The following HMGCS1 variants were observed in gnomAD, a reference collection of about 807,000 sequenced individuals.
The protein encoded by HMGCS1 is 3-hydroxy-3-methylglutaryl-CoA synthase 1, also known as hydroxymethylglutaryl-CoA synthase, cytoplasmic.
HMGCS1 carries 9 observed loss-of-function variants against 52.3 expected under a neutral mutation model. The ratio of observed to expected loss-of-function variants is 0.17; its 90% CI spans 0.10 to 0.30. The LOEUF (loss-of-function observed/expected upper bound fraction) is 0.30, where lower values mean the gene tolerates loss of function less well. Ranked by LOEUF, HMGCS1 falls within the 10% of genes least tolerant of loss-of-function variation. The pLI is 1.00. For missense variants in HMGCS1, 320 were observed against 620.9 expected (o/e 0.52, Z 5.15); for synonymous variants, 176 against 214.4 (o/e 0.82, Z 1.57).
At position 43,298,328 on chromosome 5, in the gene HMGCS1, T is replaced by C. The variant is rs6884349; in HGVS notation, c.448+190A>G. On this transcript the variant is annotated intron_variant, in intron 3 of 10. Coordinates refer to ENST00000325110, the MANE Select transcript of HMGCS1 (RefSeq NM_001098272.3). The surrounding 1 kb of genome is among the most constrained non-coding windows in gnomAD (Gnocchi z 5.6). ...TCTGACTAAATTTTGAATAGACCATTTGTCCTACAAGATAAGATAACCAAT... is the reference window on the plus strand; with the variant it reads ...TCTGACTAAATTTTGAATAGACCATCTGTCCTACAAGATAAGATAACCAAT... 0.032 allele frequency: 21,072 copies of C among 664,354 alleles called. 1,059 individuals are homozygous for C. The highest frequency in any genetic ancestry group is 0.18 in the African/African-American group (9,833 of 55,014). 41.2% of individuals were successfully genotyped at this position (664,354 alleles called of 1,614,324 possible).
rs763336877 is a variant in HMGCS1, at chr5:43,292,515, C to T, written c.1432G>A (p.Asp478Asn). ...GAATGCACAAGTCCTACTCCTTCAT[C>T]CAAAGTGTCATCATTTGGAGTGGGA... ...RRPTPNDDTLDEGVGLVHSNI... is the reference protein window; with the variant it reads ...RRPTPNDDTLNEGVGLVHSNI... Residue 478 changes from aspartate (D) to asparagine (N), a missense_variant, in exon 10 of 11, where the codon GAT becomes AAT. Around this residue, in one of 3 missense-constraint regions of HMGCS1, gnomAD observed 213 missense variants for 337.4 expected, o/e 0.63. Coordinates refer to ENST00000325110, the MANE Select transcript of HMGCS1 (RefSeq NM_001098272.3). 5 of 1,613,968 alleles carry T rather than the reference C, an allele frequency of 3.1e-6. No individual in the cohort carries two copies. Among genetic ancestry groups the T allele is most frequent in the Admixed American group, 1.7e-5 (1 of 60,010 alleles).
At chr5:43,293,293 A>G (rs140401935) in intron 8 of HMGCS1, among the ~76,000 whole-genome samples, 7 of 152,268 alleles carry the variant, frequency 4.6e-5, no homozygotes, top group African/African-American at 1.7e-4. Flanking sequence ...GGGTCTCACT[A>G]TGTTGCTCAG....
intron 1 of HMGCS1, among the ~76,000 whole-genome samples, chr5:43,309,207 G>A (rs1365989600): frequency 6.7e-6 from 1 of 150,356 alleles, no homozygotes; most frequent in African/African-American, 2.5e-5. Flanking sequence ...CCTATATTCT[G>A]CCTTTCCTTG....
chr5:43,310,086 G>A (rs147493462), intron 1 of HMGCS1, among the ~76,000 whole-genome samples: 5 of 152,296 alleles, frequency 3.3e-5, no homozygotes, highest in African/African-American at 1.2e-4. Context: ...ATAAATCTAG[G>A]AAATTAAGAA....
rs1426693749 is a variant in HMGCS1, at chr5:43,288,483, G to C, written c.*2648C>G. The stretch of plus-strand genomic sequence containing the variant: ...CCAAACAGCAGACAAGAGATAAAGT[G>C]TTTCAACTGTGTCACAAGAGGACAG... On this transcript the variant is annotated 3_prime_UTR_variant, in exon 11 of 11. Transcript: ENST00000325110. The C allele has an allele frequency of 3.9e-5, 6 of 152,216 alleles. No homozygotes were observed. The highest frequency in any genetic ancestry group is 1.4e-4 in the African/African-American group (6 of 41,460). 9.4% of individuals were successfully genotyped at this position (152,216 alleles called of 1,614,324 possible).
chr5:43,291,052 A>G lies in HMGCS1; in HGVS notation c.*79T>C, dbSNP rs554841570. The G allele has an allele frequency of 9.2e-5, 75 of 819,552 alleles. No individual in the cohort carries two copies. The East Asian group carries it at 1.8e-3, about 19-fold the overall frequency. 50.8% of individuals were successfully genotyped at this position (819,552 alleles called of 1,614,324 possible). The stretch of plus-strand genomic sequence containing the variant: ...TGTAATCCTTTAAAATTATCCCCAG[A>G]TATCCCATTCCTCCAACTGTTCCCA... On this transcript the variant is annotated 3_prime_UTR_variant, in exon 11 of 11. Coordinates refer to ENST00000325110, the MANE Select transcript of HMGCS1 (RefSeq NM_001098272.3).
At chr5:43,309,049 CA>C (rs1434426838) in intron 1 of HMGCS1, among the ~76,000 whole-genome samples, 1 of 151,778 alleles carries the variant, frequency 6.6e-6, no homozygotes, top group African/African-American at 2.4e-5. Flanking sequence ...TTGTCTTCTG[CA>C]AATTAAGCAG....
intron 10 of HMGCS1, among the ~76,000 whole-genome samples, chr5:43,291,670 T>C (rs1229741662): frequency 1.3e-5 from 2 of 152,192 alleles, no homozygotes; most frequent in Non-Finnish European, 2.9e-5. Context: ...GGGCAAGTAA[T>C]GTAACTTCTT....
intron 2 of HMGCS1, among the ~76,000 whole-genome samples, chr5:43,304,411 T>A (rs1403978835): frequency 6.6e-6 from 1 of 152,234 alleles, no homozygotes; most frequent in African/African-American, 2.4e-5. Flanking sequence ...GTTTGCAATA[T>A]ACTTGTACTC....
rs917623922 is a variant in HMGCS1 at position 43,287,553 on chromosome 5, T to C, written c.*3578A>G. 3 of 151,982 alleles carry C rather than the reference T, an allele frequency of 2.0e-5. No homozygotes were observed. The highest frequency in any genetic ancestry group is 4.8e-5 in the African/African-American group (2 of 41,374). The allele number at this position is 151,982 out of a possible 1,614,324, so 9.4% of individuals were successfully genotyped here. Reference sequence around the variant, plus strand: ...GTGAAACAAAAGAGGAAAGCCAATATAAGGATGGTTATTGCCAAACCCGCC... The same window carrying C: ...GTGAAACAAAAGAGGAAAGCCAATACAAGGATGGTTATTGCCAAACCCGCC... On this transcript the variant is annotated 3_prime_UTR_variant, in exon 11 of 11. Transcript: ENST00000325110.
Position 43,297,038 on chromosome 5 carries a change from C to G in HMGCS1, c.703G>C (p.Val235Leu). Residue 235 changes from valine (V) to leucine (L), a missense_variant, in exon 5 of 11, where the codon GTC (valine) becomes CTC (leucine). By Grantham distance (32) the Val-to-Leu change is conservative (BLOSUM62 1). Coordinates refer to ENST00000325110, the MANE Select transcript of HMGCS1 (RefSeq NM_001098272.3). ...YLSALDRCYSVYCKKIHAQWQ... is the reference protein window; with the variant it reads ...YLSALDRCYSLYCKKIHAQWQ... The stretch of plus-strand genomic sequence containing the variant: ...TGGGCATGGATCTTTTTGCAGTAGA[C>G]AGAATAGCAGCGGTCTAATGCACTG... 6.2e-7 allele frequency: 1 copy of G among 1,613,646 alleles called. No homozygotes were observed. Among genetic ancestry groups the G allele is most frequent in the Non-Finnish European group, 8.5e-7 (1 of 1,179,796 alleles).
Position 43,288,977 on chromosome 5 carries a change from A to C in HMGCS1, c.*2154T>G, listed in dbSNP as rs1319325301. ...TTGGAGACTCTAGCTGGTAGTGGGC[A>C]GTTCTACGTTCACCACTAAATTTGC... On this transcript the variant is annotated 3_prime_UTR_variant, in exon 11 of 11. Transcript: ENST00000325110. 6.6e-6 allele frequency: 1 copy of C among 152,190 alleles called. No homozygotes were observed. The highest frequency in any genetic ancestry group is 1.5e-5 in the Non-Finnish European group (1 of 68,026). The allele number at this position is 152,190 out of a possible 1,614,324, so 9.4% of individuals were successfully genotyped here. A position where few individuals can be genotyped will look rare whatever the true frequency, so the allele number is the denominator to read the frequency against.
At chr5:43,304,945 T>C (rs1443331787) in intron 2 of HMGCS1, among the ~76,000 whole-genome samples, 9 of 152,192 alleles carry the variant, frequency 5.9e-5, no homozygotes, top group Admixed American at 5.9e-4. Context: ...ATTGCTTTCA[T>C]GACATTTAGA....
In HMGCS1 at chr5:43,298,549, A is replaced by G. The variant is rs978376300; in HGVS notation, c.417T>C (p.Ala139=). 2 of 1,613,502 alleles carry G rather than the reference A, an allele frequency of 1.2e-6. No individual in the cohort carries two copies. The highest frequency in any genetic ancestry group is 1.7e-6 in the Non-Finnish European group (2 of 1,179,496). The change falls in exon 3 of 11, where the codon GCT becomes GCC. Residue 139 remains alanine (A), a synonymous_variant. Coordinates refer to ENST00000325110, the MANE Select transcript of HMGCS1 (RefSeq NM_001098272.3). This position sits in a 1 kb window ranked among gnomAD's most constrained non-coding sequence, Gnocchi z 5.6. ...AAGAGCTGGACTCAATCCAGTTAAC[A>G]GCATTGAAGACAGCAGCTGTGCCTC... ...CYGGTAAVFN[A]VNWIESSSWD...
rs1366687442 is a variant in HMGCS1, at chr5:43,288,767, C to T, written c.*2364G>A. ...ATTATGACTAAGTATGAAAGCCAGA[C>T]ATGACATGATGATAAAATATGAGCT... On this transcript the variant is annotated 3_prime_UTR_variant, in exon 11 of 11. Coordinates refer to ENST00000325110, the MANE Select transcript of HMGCS1 (RefSeq NM_001098272.3). 1 of 152,132 alleles carries T rather than the reference C, an allele frequency of 6.6e-6. No homozygotes were observed. Among genetic ancestry groups the T allele is most frequent in the Non-Finnish European group, 1.5e-5 (1 of 68,022 alleles). The allele number at this position is 152,132 out of a possible 1,614,324, so 9.4% of individuals were successfully genotyped here.
In HMGCS1 at chr5:43,294,673, G is replaced by A. The variant is rs776692438; in HGVS notation, c.1076+18C>T. ...CCCAAATAAGGGGAGTTAAGTAGTA[G>A]GTGAAATTTATACTTACTGTGCTAG... On this transcript the variant is annotated intron_variant, in intron 7 of 10. Transcript: ENST00000325110. The A allele has an allele frequency of 1.9e-6, 3 of 1,540,944 alleles. No homozygotes were observed. Among genetic ancestry groups the A allele is most frequent in the Admixed American group, 1.9e-5 (1 of 52,500 alleles).
At chr5:43,292,390 C>A (rs2111630278) in intron 10 of HMGCS1, 84 bp downstream of exon 10, 14 of 759,866 alleles carry the variant, frequency 1.8e-5, no homozygotes, top group Admixed American at 2.8e-5. Flanking sequence ...CCTTACTCTT[C>A]TTTACTGACA....
intron 1 of HMGCS1, among the ~76,000 whole-genome samples, chr5:43,309,145 GTATGTA>G (rs1177326134): frequency 4.6e-5 from 7 of 151,548 alleles, no homozygotes; most frequent in African/African-American, 1.7e-4. Context: ...TGATGTTCAT[GTATGTA>G]TATGCATTTG....
rs1472733586 is a variant in HMGCS1, at chr5:43,288,732, CAG to C, written c.*2397_*2398del. 1 of 152,058 alleles carries C rather than the reference CAG, an allele frequency of 6.6e-6. No individual in the cohort carries two copies. Among genetic ancestry groups the C allele is most frequent in the Admixed American group, 6.6e-5 (1 of 15,262 alleles). 9.4% of individuals were successfully genotyped at this position (152,058 alleles called of 1,614,324 possible). A position where few individuals can be genotyped will look rare whatever the true frequency, so the allele number is the denominator to read the frequency against. On this transcript the variant is annotated 3_prime_UTR_variant, in exon 11 of 11. Transcript: ENST00000325110. ...AGAGAACGCTAGCCTCTAAATGACC[CAG>C]AAAGTAAATTATGACTAAGTATGAA...
Sources: gnomAD v4.1 joint callset for allele counts (sites outside exome capture counted in the v4.1 genomes callset) on GRCh38, gnomAD v4.1.1 for gene constraint, gnomAD v4.1.1 regional missense constraint, Gnocchi (gnomAD v3.1) non-coding constraint, MANE v1.5 for transcripts, NCBI Gene and HGNC (gene_info 2026-07-23, HGNC 2026-07-21) for gene names.